The following EPRS1 variants were observed in gnomAD, a reference collection of about 807,000 sequenced individuals.
EPRS1 encodes the protein glutamyl-prolyl-tRNA synthetase 1, also known as bifunctional glutamate/proline--tRNA ligase.
EPRS1 carries 107 observed loss-of-function variants against 188.3 expected under a neutral mutation model. The ratio of observed to expected loss-of-function variants is 0.57; its 90% CI spans 0.49 to 0.67. The LOEUF (loss-of-function observed/expected upper bound fraction) is 0.67. EPRS1 is among the 30% of genes least tolerant of loss of function. EPRS1 has a pLI of 0.00. For missense variants in EPRS1, 1,577 were observed against 1,802.2 expected, an observed-to-expected ratio of 0.88 and a Z score of 2.26; for synonymous variants, 596 against 593.1, an observed-to-expected ratio of 1.00 and a Z score of -0.07.
At chr1:220,041,609 G>A (rs546395601) in intron 1 of EPRS1, among the ~76,000 whole-genome samples, 2 of 152,302 alleles carry the variant, frequency 1.3e-5, no homozygotes, top group South Asian at 2.1e-4. Flanking sequence ...GGGAGGCTGA[G>A]GTGGGTGGAT....
chr1:219,975,270 G>A (rs6690630), intron 28 of EPRS1, among the ~76,000 whole-genome samples: 10,989 of 152,212 alleles, frequency 0.072, 414 homozygotes, highest in Non-Finnish European at 0.085. Context: ...GCCCATTCAC[G>A]CAGAGGAGGG....
At chr1:219,990,982 G>C (rs1310969496) in intron 18 of EPRS1, among the ~76,000 whole-genome samples, 2 of 152,126 alleles carry the variant, frequency 1.3e-5, no homozygotes, top group South Asian at 4.1e-4. Flanking sequence ...AATAATTGCT[G>C]ATGTGGATTA....
intron 9 of EPRS1, among the ~76,000 whole-genome samples, chr1:220,021,610 G>A (rs918187755): frequency 6.6e-6 from 1 of 152,194 alleles, no homozygotes; most frequent in Non-Finnish European, 1.5e-5. Context: ...CAAATGTATT[G>A]AAAGGATTTG....
intron 5 of EPRS1, 113 bp from the exon 6 acceptor site, chr1:220,030,593 G>A: frequency 1.4e-6 from 1 of 726,690 alleles, no homozygotes; most frequent in Non-Finnish European, 2.4e-6. Flanking sequence ...AAAATATGAT[G>A]ACTAGAACAT....
chr1:220,025,342 C>G, intron 6 of EPRS1, 84 bp from the exon 7 acceptor site: 1 of 1,053,862 alleles, frequency 9.5e-7, no homozygotes, highest in Non-Finnish European at 1.3e-6. Context: ...GAGATGAGAA[C>G]TAAACAAAAG....
chr1:219,968,609 G>A lies in EPRS1; in HGVS notation c.*197C>T. On this transcript the variant is annotated 3_prime_UTR_variant, in exon 32 of 32. Transcript: ENST00000366923. ...GAATACAAAAACCATATTAGTTCAT[G>A]ATATTTATTACTGGAGTTGTTTACA... The A allele has an allele frequency of 1.8e-6, 1 of 551,988 alleles. No individual in the cohort carries two copies. The highest frequency in any genetic ancestry group is 3.2e-6 in the Non-Finnish European group (1 of 309,802). The allele number at this position is 551,988 out of a possible 1,614,324, so 34.2% of individuals were successfully genotyped here. A position where few individuals can be genotyped will look rare whatever the true frequency, so the allele number is the denominator to read the frequency against.
rs536253407 is a variant in EPRS1 at position 220,042,477 on chromosome 1, C to T, written c.47-2208G>A. On this transcript the variant is annotated intron_variant, in intron 1 of 31. Transcript: ENST00000366923. The stretch of plus-strand genomic sequence containing the variant: ...CCAGCCTGAGCAACAAGAATGAAAC[C>T]CCATCTCCCAAAAAAAAAAAAAGAA... Among the ~76,000 whole-genome samples, 119 of 150,172 alleles carry T rather than the reference C, an allele frequency of 7.9e-4. 5 individuals are homozygous for T. In the South Asian group the frequency reaches 0.024, roughly 30 times the overall value.
At position 219,983,207 on chromosome 1, in the gene EPRS1, A is replaced by C; in HGVS notation, c.3282T>G (p.Val1094=). ...CACTTACCTCTGGGGCAAAGTCAGC[A>C]ACATGAGTCTTCTCTTTCTCTAATG... ...QSALEKEKTH[V]ADFAPEVAWV... is the part of the protein sequence containing the mutation. Residue 1094 remains valine, a synonymous_variant, in exon 22 of 32, where the codon GTT becomes GTG. Coordinates refer to ENST00000366923, the MANE Select transcript of EPRS1 (RefSeq NM_004446.3). The C allele has an allele frequency of 6.2e-7, 1 of 1,613,856 alleles. No individual in the cohort carries two copies.
intron 31 of EPRS1, 36 bp downstream of exon 31, chr1:219,969,022 A>G: frequency 6.2e-7 from 1 of 1,612,250 alleles, no homozygotes; most frequent in Non-Finnish European, 8.5e-7. Flanking sequence ...TTTCCATTGC[A>G]ATTTTTCAAA....
intron 6 of EPRS1, among the ~76,000 whole-genome samples, chr1:220,026,807 T>G (rs142213467): frequency 6.6e-6 from 1 of 152,048 alleles, no homozygotes; most frequent in Non-Finnish European, 1.5e-5. Context: ...AGTTTTAAGA[T>G]AGTTACCTGG....
intron 5 of EPRS1, among the ~76,000 whole-genome samples, chr1:220,031,818 T>A (rs1662088188): frequency 6.6e-6 from 1 of 152,116 alleles, no homozygotes; most frequent in South Asian, 2.1e-4. Context: ...AAGAAAAAAT[T>A]GCAAAGGTGT....
At position 220,003,839 on chromosome 1, in the gene EPRS1, G is replaced by A. The variant is rs79172799; in HGVS notation, c.2063+1409C>T. ...AAATGAATAAGGTTACTCATATGAC[G>A]AAAAAGCCACAAGGCCATTCCAGGA... On this transcript the variant is annotated intron_variant, in intron 16 of 31. Transcript: ENST00000366923. 4.4e-4 allele frequency among the ~76,000 whole-genome samples: 67 copies of A among 152,200 alleles called. No homozygotes were observed. In the East Asian group the frequency reaches 0.012, roughly 28 times the overall value.
At chr1:220,016,499 C>T (rs941721246) in intron 12 of EPRS1, among the ~76,000 whole-genome samples, 4 of 150,764 alleles carry the variant, frequency 2.7e-5, no homozygotes, top group Non-Finnish European at 5.9e-5. Context: ...CGGCCTTGAC[C>T]TCCTGGGCTC....
At chr1:220,000,198 C>T (rs548183144) in intron 17 of EPRS1, among the ~76,000 whole-genome samples, 46 of 152,254 alleles carry the variant, frequency 3.0e-4, no homozygotes, top group African/African-American at 1.1e-3. Context: ...AGTTATCTTT[C>T]TAGGATATGT....
chr1:220,037,869 A>G (rs1359127902), intron 2 of EPRS1, among the ~76,000 whole-genome samples: 1 of 152,198 alleles, frequency 6.6e-6, no homozygotes, highest in African/African-American at 2.4e-5. Flanking sequence ...CTCCATGGAA[A>G]ACTAACAGTT....
In EPRS1 at chr1:220,032,382, C is replaced by G; in HGVS notation, c.528+5G>C. The G allele has an allele frequency of 6.3e-7, 1 of 1,578,890 alleles. No homozygotes were observed. Among genetic ancestry groups the G allele is most frequent in the East Asian group, 2.2e-5 (1 of 44,450 alleles). On this transcript the variant is annotated splice_donor_5th_base_variant and intron_variant, in intron 5 of 31. Transcript: ENST00000366923. ...TTTTTTAAAAAAAAAGAAAAAAAGG[C>G]TTACCACTCGAGCTTTGGTTGTTGA...
At chr1:220,003,988 A>G (rs1364332581) in intron 16 of EPRS1, among the ~76,000 whole-genome samples, 2 of 152,182 alleles carry the variant, frequency 1.3e-5, no homozygotes, top group African/African-American at 4.8e-5. Flanking sequence ...AAAATCTTGC[A>G]TATCAAACTC....
At chr1:220,015,648 G>A (rs918982266) in intron 12 of EPRS1, among the ~76,000 whole-genome samples, 2 of 152,018 alleles carry the variant, frequency 1.3e-5, no homozygotes, top group African/African-American at 4.8e-5. Flanking sequence ...CCCTCACCAT[G>A]GCCTATCATC....
intron 7 of EPRS1, 170 bp downstream of exon 7, chr1:220,024,962 T>G: frequency 1.6e-6 from 1 of 623,680 alleles, no homozygotes; most frequent in East Asian, 2.9e-5. Context: ...TTAAGTTTTT[T>G]GGTATGGGAG....
Sources: allele counts gnomAD v4.1 joint callset (sites outside exome capture counted in the v4.1 genomes callset), GRCh38; gene constraint gnomAD v4.1.1; transcripts MANE v1.5; gene names NCBI Gene and HGNC (gene_info 2026-07-23, HGNC 2026-07-21).